The following NEK7 variants were observed in gnomAD, a reference collection of about 807,000 sequenced individuals.
NEK7 encodes serine/threonine-protein kinase Nek7.
Under a neutral mutation model 44.6 loss-of-function variants are expected in NEK7, and 18 were observed. The ratio of observed to expected loss-of-function variants is 0.40; its 90% confidence interval spans 0.28 to 0.60. The LOEUF (loss-of-function observed/expected upper bound fraction) is 0.60, where lower values mean the gene tolerates loss of function less well. NEK7 is among the 20% of genes least tolerant of loss of function. The probability of loss-of-function intolerance (pLI) is 0.38; values close to 1 mark genes in which losing one functional copy is unlikely to be tolerated. For missense variants in NEK7, 256 were observed against 366.5 expected, an observed-to-expected ratio of 0.70 and a Z score of 2.46; for synonymous variants, 130 against 121.1, an observed-to-expected ratio of 1.07 and a Z score of -0.48.
chr1:198,298,717 G>A (rs1050546652), intron 9 of NEK7, among the ~76,000 whole-genome samples: 8 of 152,204 alleles, frequency 5.3e-5, no homozygotes, highest in South Asian at 4.2e-4. Flanking sequence ...TCCATGAAGC[G>A]CATGAATATT....
chr1:198,208,965 C>T (rs1204522983), intron 1 of NEK7, among the ~76,000 whole-genome samples: 1 of 151,824 alleles, frequency 6.6e-6, no homozygotes, highest in Non-Finnish European at 1.5e-5. Context: ...CTTCAGCCCT[C>T]AGATACTCTG....
chr1:198,258,473 A>G (rs971088002), intron 3 of NEK7, among the ~76,000 whole-genome samples: 5 of 152,134 alleles, frequency 3.3e-5, no homozygotes, highest in African/African-American at 9.7e-5. Flanking sequence ...CTTGCTTAGT[A>G]TATATTTTTA....
At chr1:198,303,345 G>A (rs897260520) in intron 9 of NEK7, among the ~76,000 whole-genome samples, 1 of 151,804 alleles carries the variant, frequency 6.6e-6, no homozygotes, top group African/African-American at 2.4e-5. Flanking sequence ...AAATATAACT[G>A]GGTTTCAAAC....
chr1:198,158,381 T>G (rs1663982892), intron 1 of NEK7, among the ~76,000 whole-genome samples: 1 of 152,228 alleles, frequency 6.6e-6, no homozygotes, highest in Non-Finnish European at 1.5e-5. Context: ...CCCATCATAA[T>G]GGGAACCACT....
In NEK7 at chr1:198,264,733, T is replaced by C. The variant is rs535910901; in HGVS notation, c.372+498T>C. Among the ~76,000 whole-genome samples, 136 of 152,186 alleles carry C rather than the reference T, an allele frequency of 8.9e-4. 1 individual carries two copies. The highest frequency in any genetic ancestry group is 3.1e-3 in the African/African-American group (129 of 41,548). ...TAATTCATAATTAATATAATTAAGT[T>C]GTTTAACCTTCTTTTCTAAGGGCAT... On this transcript the variant is annotated intron_variant, in intron 5 of 9. Coordinates refer to ENST00000367385, the MANE Select transcript of NEK7 (RefSeq NM_133494.3).
chr1:198,239,642 CAT>C (rs1340992245), intron 2 of NEK7, among the ~76,000 whole-genome samples: 2 of 151,844 alleles, frequency 1.3e-5, no homozygotes, highest in African/African-American at 2.4e-5. Flanking sequence ...TTTTGTATAT[CAT>C]ATTTTATATC....
intron 2 of NEK7, among the ~76,000 whole-genome samples, chr1:198,244,033 A>G (rs1666763298): frequency 1.3e-5 from 2 of 150,512 alleles, no homozygotes; most frequent in South Asian, 4.2e-4. Flanking sequence ...ATAAAAGATA[A>G]TAGCATGAGC....
chr1:198,227,689 A>G (rs1414865683), intron 1 of NEK7, among the ~76,000 whole-genome samples: 4 of 152,100 alleles, frequency 2.6e-5, no homozygotes, highest in Non-Finnish European at 5.9e-5. Flanking sequence ...GTCTGTTCAT[A>G]TCCTTCGCCC....
chr1:198,218,715 A>C (rs530348500), intron 1 of NEK7, among the ~76,000 whole-genome samples: 4 of 148,394 alleles, frequency 2.7e-5, no homozygotes, highest in African/African-American at 1.0e-4. Flanking sequence ...TCAGCAAGAA[A>C]AAAATCCAAT....
intron 9 of NEK7, among the ~76,000 whole-genome samples, chr1:198,308,544 C>T (rs1340879720): frequency 6.6e-6 from 1 of 152,196 alleles, no homozygotes; most frequent in East Asian, 1.9e-4. Flanking sequence ...TGCCTGAAAT[C>T]TTAAAGGAAC....
At chr1:198,250,113 C>G (rs1293235380) in intron 2 of NEK7, among the ~76,000 whole-genome samples, 2 of 149,554 alleles carry the variant, frequency 1.3e-5, no homozygotes, top group African/African-American at 2.5e-5. Flanking sequence ...GCCAGTTTTC[C>G]CAGCACCGTT....
At chr1:198,233,126 T>G (rs888735077) in intron 2 of NEK7, among the ~76,000 whole-genome samples, 1 of 151,330 alleles carries the variant, frequency 6.6e-6, no homozygotes, top group African/African-American at 2.4e-5. Context: ...TGCCTAAGCT[T>G]GGGAGTGCCA....
At chr1:198,282,705 TG>T (rs1187085898) in intron 7 of NEK7, among the ~76,000 whole-genome samples, 9 of 152,108 alleles carry the variant, frequency 5.9e-5, no homozygotes, top group African/African-American at 9.7e-5. Context: ...GGTGAAGTGA[TG>T]AAGATGCAGA....
At chr1:198,252,664 A>G (rs915921770) in intron 2 of NEK7, among the ~76,000 whole-genome samples, 61 of 134,622 alleles carry the variant, frequency 4.5e-4, no homozygotes, top group South Asian at 7.4e-4. Flanking sequence ...GTATGTTTAT[A>G]TATTAAAACA....
At chr1:198,282,069 T>A (rs902556756) in intron 7 of NEK7, among the ~76,000 whole-genome samples, 1 of 152,096 alleles carries the variant, frequency 6.6e-6, no homozygotes, top group South Asian at 2.1e-4. Context: ...TCTTCACTTG[T>A]TTTTCTGCTT....
chr1:198,271,274 T>C (rs1291310698), intron 5 of NEK7, among the ~76,000 whole-genome samples: 1 of 151,942 alleles, frequency 6.6e-6, no homozygotes, highest in Non-Finnish European at 1.5e-5. Flanking sequence ...TCATATGAAA[T>C]GGGAGAGTAA....
chr1:198,166,134 G>C (rs983574549), intron 1 of NEK7, among the ~76,000 whole-genome samples: 3 of 152,342 alleles, frequency 2.0e-5, no homozygotes, highest in South Asian at 2.1e-4. Flanking sequence ...CTTCTATCCA[G>C]ACCGCTAAAA....
chr1:198,161,561 C>T (rs1664107470), intron 1 of NEK7, among the ~76,000 whole-genome samples: 1 of 152,174 alleles, frequency 6.6e-6, no homozygotes, highest in Non-Finnish European at 1.5e-5. Flanking sequence ...TGTGCTTAGA[C>T]TCTTGTGACA....
At chr1:198,270,414 T>C (rs959374525) in intron 5 of NEK7, among the ~76,000 whole-genome samples, 7 of 152,046 alleles carry the variant, frequency 4.6e-5, no homozygotes, top group African/African-American at 1.4e-4. Flanking sequence ...AGGTTTGTTA[T>C]CTGCCAAGAG....
Sources: allele counts gnomAD v4.1 joint callset (sites outside exome capture counted in the v4.1 genomes callset), GRCh38; gene constraint gnomAD v4.1.1; transcripts MANE v1.5; gene names NCBI Gene and HGNC (gene_info 2026-07-23, HGNC 2026-07-21).